Variants in COL4A5 observed in about 807,000 individuals in gnomAD.
COL4A5 encodes collagen alpha-5(IV) chain.
A neutral mutation model predicts 130.2 loss-of-function variants in COL4A5; 26 were observed. The observed-to-expected ratio is 0.20, with a 90% CI of 0.15 to 0.28. The LOEUF (loss-of-function observed/expected upper bound fraction) is 0.28. COL4A5 is among the 10% of genes least tolerant of loss of function. The pLI is 1.00. For synonymous variants in COL4A5, 496 were observed against 439.6 expected, an observed-to-expected ratio of 1.13 and a Z score of -1.60; for missense variants, 1,131 against 1,344.3, an observed-to-expected ratio of 0.84 and a Z score of 2.48.
Position 108,680,615 on chromosome X carries a change from C to T in COL4A5, c.3943-64C>T, listed in dbSNP as rs1268656603. ...TATATGCCACTATGTAATTCTTATG[C>T]CCTCAATCACCTTCCTCCCCTCGCT... On this transcript the variant is annotated intron_variant, in intron 44 of 52. Transcript: ENST00000328300. 6 of 842,123 alleles carry T rather than the reference C, an allele frequency of 7.1e-6. No homozygotes were observed. In the Admixed American group the frequency reaches 1.3e-4, roughly 19 times the overall value. The allele number at this position is 842,123 out of a possible 1,213,427, so 69.4% of individuals were successfully genotyped here. A position where few individuals can be genotyped will look rare whatever the true frequency, so the allele number is the denominator to read the frequency against.
intron 21 of COL4A5, 151 bp downstream of exon 21, chrX:108,591,795 AC>A (rs1427000723): frequency 2.1e-6 from 1 of 476,484 alleles, no homozygotes; most frequent in Non-Finnish European, 3.7e-6. Context: ...TACTTACATG[AC>A]CTTGGTTTCA....
intron 2 of COL4A5, among the ~76,000 whole-genome samples, chrX:108,558,748 C>T (rs1382616457): frequency 9.0e-6 from 1 of 111,047 alleles, no homozygotes; most frequent in Non-Finnish European, 1.9e-5. Context: ...CCTTACAGAT[C>T]TGGTTTCCTG....
At chrX:108,497,705 A>C (rs1366056427) in intron 1 of COL4A5, among the ~76,000 whole-genome samples, 1 of 111,250 alleles carries the variant, frequency 9.0e-6, no homozygotes, top group Non-Finnish European at 1.9e-5. Flanking sequence ...CTCTGGACCT[A>C]TTTCTCTCTG....
At chrX:108,616,279 T>C (rs962493252) in intron 30 of COL4A5, among the ~76,000 whole-genome samples, 1 of 110,671 alleles carries the variant, frequency 9.0e-6, no homozygotes, top group Non-Finnish European at 1.9e-5. Flanking sequence ...TTCACTCTTG[T>C]TGCCCAGGCT....
chrX:108,662,412 A>G (rs1375281758), intron 37 of COL4A5, among the ~76,000 whole-genome samples: 1 of 111,331 alleles, frequency 9.0e-6, no homozygotes, highest in Non-Finnish European at 1.9e-5. Flanking sequence ...TTATTGAGTT[A>G]CATAGTAGAC....
At chrX:108,590,933 A>T in intron 19 of COL4A5, 125 bp from the exon 20 acceptor site, 1 of 646,947 alleles carries the variant, frequency 1.5e-6, no homozygotes, top group Non-Finnish European at 2.3e-6. Context: ...TGAGTCTCAT[A>T]GAAAAAAAAT....
At chrX:108,545,930 C>T (rs2147680819) in intron 2 of COL4A5, among the ~76,000 whole-genome samples, 1 of 111,261 alleles carries the variant, frequency 9.0e-6, no homozygotes, top group African/African-American at 3.3e-5. Flanking sequence ...AGGATTGCAA[C>T]CCCTGCCTTT....
At position 108,629,083 on chromosome X, in the gene COL4A5, A is replaced by C. The variant is rs1431727440; in HGVS notation, c.3246+2734A>C. Among the ~76,000 whole-genome samples, 3 of 111,963 alleles carry C rather than the reference A, an allele frequency of 2.7e-5. No individual in the cohort carries two copies. In the East Asian group the frequency reaches 8.4e-4, roughly 31 times the overall value. On this transcript the variant is annotated intron_variant, in intron 36 of 52. Transcript: ENST00000328300. ...AGAGCAGTGACCACACTGCAGTAAG[A>C]GAGTAAGTCATACAAAAACCCTGAG...
chrX:108,450,333 G>C (rs1414014360), intron 1 of COL4A5, among the ~76,000 whole-genome samples: 3 of 111,549 alleles, frequency 2.7e-5, no homozygotes, highest in Admixed American at 9.6e-5. Context: ...GCCTCAAGAG[G>C]TCCTCCTGCT....
chrX:108,571,293 G>T, intron 6 of COL4A5, 120 bp from the exon 7 acceptor site: 1 of 524,294 alleles, frequency 1.9e-6, no homozygotes. Flanking sequence ...TGAACTTTTT[G>T]GCAATCTGGC....
chrX:108,668,240 A>G, intron 40 of COL4A5, 79 bp from the exon 41 acceptor site: 1 of 950,283 alleles, frequency 1.1e-6, no homozygotes, highest in Non-Finnish European at 1.5e-6. Context: ...AATTGCCCTA[A>G]TGTATGTGAA....
At chrX:108,578,039 C>T (rs756130412) in intron 11 of COL4A5, 39 bp from the exon 12 acceptor site, 11 of 1,200,312 alleles carry the variant, frequency 9.2e-6, no homozygotes, top group Admixed American at 6.6e-5. Context: ...CCTTTTCTTA[C>T]TGTCAGTGAG....
At chrX:108,500,246 A>G (rs765253175) in intron 1 of COL4A5, among the ~76,000 whole-genome samples, 21 of 112,187 alleles carry the variant, frequency 1.9e-4, no homozygotes, top group Non-Finnish European at 3.8e-4. Context: ...GTGATCCCCA[A>G]CCACCCAAGA....
intron 1 of COL4A5, among the ~76,000 whole-genome samples, chrX:108,470,492 G>A (rs185244683): frequency 9.0e-6 from 1 of 111,666 alleles, no homozygotes; most frequent in African/African-American, 3.2e-5. Flanking sequence ...TTTAAATGGA[G>A]TTATTTGTCT....
intron 1 of COL4A5, among the ~76,000 whole-genome samples, chrX:108,458,382 C>G (rs1385178339): frequency 9.0e-6 from 1 of 111,673 alleles, no homozygotes; most frequent in African/African-American, 3.3e-5. Flanking sequence ...TCACCAATCT[C>G]TATGTCTATC....
At chrX:108,488,137 C>T (rs1171784391) in intron 1 of COL4A5, among the ~76,000 whole-genome samples, 1 of 112,163 alleles carries the variant, frequency 8.9e-6, no homozygotes, top group Non-Finnish European at 1.9e-5. Context: ...CCAGAGGCAA[C>T]CAGTGTTTTT....
rs1415303780 is a variant in COL4A5 at position 108,655,184 on chromosome X, C to T, written c.3247-147C>T. ...AGATAATGAAGCCTAACTCACAGAA[C>T]TGTTGTGATGATTAAATGAAGCAAT... On this transcript the variant is annotated intron_variant, in intron 36 of 52. Transcript: ENST00000328300. 2.3e-5 allele frequency: 14 copies of T among 598,202 alleles called. 1 individual carries two copies. In the Admixed American group the frequency reaches 4.3e-4, roughly 18 times the overall value. The allele number at this position is 598,202 out of a possible 1,213,427, so 49.3% of individuals were successfully genotyped here. A position where few individuals can be genotyped will look rare whatever the true frequency, so the allele number is the denominator to read the frequency against.
chrX:108,586,354 A>T (rs1037065100), intron 18 of COL4A5, among the ~76,000 whole-genome samples: 1 of 111,512 alleles, frequency 9.0e-6, no homozygotes. Flanking sequence ...GGAGATTGGA[A>T]TGAATTGAAT....
chrX:108,516,617 T>C (rs1056475842), intron 1 of COL4A5, among the ~76,000 whole-genome samples: 4 of 111,976 alleles, frequency 3.6e-5, no homozygotes, highest in South Asian at 7.4e-4. Context: ...AAGGTTCATC[T>C]TATTTCCCAG....
Sources: gnomAD v4.1 joint callset for allele counts (sites outside exome capture counted in the v4.1 genomes callset) on GRCh38, gnomAD v4.1.1 for gene constraint, MANE v1.5 for transcripts, NCBI Gene and HGNC (gene_info 2026-07-23, HGNC 2026-07-21) for gene names.